The following MAP3K10 variants were observed in gnomAD, a reference collection of about 807,000 sequenced individuals.
The protein encoded by MAP3K10 is mitogen-activated protein kinase kinase kinase 10.
Under a neutral mutation model 75.0 loss-of-function variants are expected in MAP3K10, and 22 were observed. The observed-to-expected ratio is 0.29, with a 90% confidence interval of 0.21 to 0.42. The LOEUF is 0.42. MAP3K10 is among the 10% of genes least tolerant of loss of function. MAP3K10 has a pLI of 1.00. For synonymous variants in MAP3K10, 599 were observed against 612.9 expected, an observed-to-expected ratio of 0.98 and a Z score of 0.34; for missense variants, 1,165 against 1,379.8, an observed-to-expected ratio of 0.84 and a Z score of 2.47.
In MAP3K10 at chr19:40,212,980, AG is replaced by A; in HGVS notation, c.1724+6del. ...AGCGGGTGGGAGGAGAGGAGAGGTG[AG>A]GTGTGGTGTGGTCATGCCCACCCTG... On this transcript the variant is annotated splice_donor_5th_base_variant and intron_variant, in intron 7 of 9. Coordinates refer to ENST00000253055, the MANE Select transcript of MAP3K10 (RefSeq NM_002446.4). This position sits in a 1 kb window ranked among gnomAD's most constrained non-coding sequence, Gnocchi z 4.2. 1 of 1,598,722 alleles carries A rather than the reference AG, an allele frequency of 6.3e-7. No individual in the cohort carries two copies. The highest frequency in any genetic ancestry group is 2.2e-5 in the East Asian group (1 of 44,806).
intron 5 of MAP3K10, 53 bp downstream of exon 5, chr19:40,206,210 C>T (rs1223378332): frequency 3.3e-6 from 5 of 1,528,582 alleles, no homozygotes; most frequent in Admixed American, 2.2e-5. Context: ...GGAGCAGCCC[C>T]GACCTAGGAT....
Position 40,215,020 on chromosome 19 carries a change from T to C in MAP3K10, c.2593T>C (p.Phe865Leu). Reference sequence around the variant, plus strand: ...CCGCCTGCCCGACCCCCAGGCCCTGTTCCCAGCCCGCCGCCGGCCCCCTGA... The same window carrying C: ...CCGCCTGCCCGACCCCCAGGCCCTGCTCCCAGCCCGCCGCCGGCCCCCTGA... Reference protein sequence around the residue: ...FPRLPDPQALFPARRRPPEFP... With the variant: ...FPRLPDPQALLPARRRPPEFP... The change falls in exon 10 of 10, where the codon TTC becomes CTC. Residue 865 changes from phenylalanine (F) to leucine (L), a missense_variant. Transcript: ENST00000253055. 1 of 1,583,612 alleles carries C rather than the reference T, an allele frequency of 6.3e-7. No individual in the cohort carries two copies. Among genetic ancestry groups the C allele is most frequent in the Middle Eastern group, 1.7e-4 (1 of 6,000 alleles).
In MAP3K10 at chr19:40,214,010, A is replaced by AACC; in HGVS notation, c.2331_2332insACC (p.Pro777_Pro778insThr). 1.4e-6 allele frequency: 1 copy of AACC among 726,372 alleles called. No homozygotes were observed. Among genetic ancestry groups the AACC allele is most frequent in the Non-Finnish European group, 1.9e-6 (1 of 538,530 alleles). 45.0% of individuals were successfully genotyped at this position (726,372 alleles called of 1,614,324 possible). A position where few individuals can be genotyped will look rare whatever the true frequency, so the allele number is the denominator to read the frequency against. ...CCGCACCGGCCGCGCCCTCCCCACC[A>AACC]CCCTCCCCGCCCGCGCCCACACCCA... On this transcript the variant is annotated inframe_insertion, in exon 9 of 10. Transcript: ENST00000253055.
Position 40,213,999 on chromosome 19 carries a change from C to CCCA in MAP3K10, c.2322_2323insACC (p.Pro774_Ser775insThr). ...CAGTGACGAGGCCGCACCGGCCGCG[C>CCCA]CCTCCCCACCACCCTCCCCGCCCGC... is the stretch of plus-strand genomic sequence containing the variant. On this transcript the variant is annotated inframe_insertion, in exon 9 of 10. Transcript: ENST00000253055. The surrounding 1 kb of genome is among the most constrained non-coding windows in gnomAD (Gnocchi z 5.7). The CCCA allele has an allele frequency of 5.3e-6, 8 of 1,517,644 alleles. No homozygotes were observed. Among genetic ancestry groups the CCCA allele is most frequent in the East Asian group, 2.5e-5 (1 of 39,508 alleles). 94.0% of individuals were successfully genotyped at this position (1,517,644 alleles called of 1,614,324 possible).
chr19:40,212,806 G>A lies in MAP3K10; in HGVS notation c.1554G>A (p.Leu518=). The change falls in exon 7 of 10, where the codon CTG becomes CTA. Residue 518 remains leucine (L), a splice_region_variant and synonymous_variant. Transcript: ENST00000253055. The surrounding 1 kb of genome is among the most constrained non-coding windows in gnomAD (Gnocchi z 4.2). ...ACCAAGTGGCTTCTCTGGACCCAGT[G>A]ACTCCCGTGGACTGTGGTGGCAGCA... ...SIIPRLRAIR[L]TPVDCGGSSS... is the part of the protein sequence containing the mutation. The A allele has an allele frequency of 6.3e-7, 1 of 1,586,530 alleles. No homozygotes were observed. Among genetic ancestry groups the A allele is most frequent in the East Asian group, 2.3e-5 (1 of 43,592 alleles).
In MAP3K10 at chr19:40,213,594, C is replaced by T. The variant is rs1362936194; in HGVS notation, c.1915C>T (p.Pro639Ser). 6.3e-7 allele frequency: 1 copy of T among 1,599,222 alleles called. No homozygotes were observed. Among genetic ancestry groups the T allele is most frequent in the Admixed American group, 1.7e-5 (1 of 58,586 alleles). Residue 639 changes from proline (P) to serine (S), a missense_variant, in exon 9 of 10, where the codon CCA becomes TCA. By Grantham distance (74) the Pro-to-Ser change is moderately conservative. Around this residue, in one of 2 missense-constraint regions of MAP3K10, gnomAD observed 590 missense variants for 586.6 expected, o/e 1.01. Transcript: ENST00000253055. This position sits in a 1 kb window ranked among gnomAD's most constrained non-coding sequence, Gnocchi z 5.7. ...CTCGACCCCGTCCTACCTCTCAGTG[C>T]CACTGCCTGCCGAGCCCTCCCCGGG... Reference protein sequence around the residue: ...PYSTPSYLSVPLPAEPSPGAR... With the variant: ...PYSTPSYLSVSLPAEPSPGAR...
At chr19:40,195,471 CTTTTTTTTTTTTTT>C (rs61289931) in intron 1 of MAP3K10, among the ~76,000 whole-genome samples, 7 of 48,660 alleles carry the variant, frequency 1.4e-4, no homozygotes, top group East Asian at 6.8e-4. Context: ...CCCGCCCGGC[CTTTTTTTTTTTTTT>C]TTTTTTTTTT....
chr19:40,194,058 T>C (rs765191526), intron 1 of MAP3K10, among the ~76,000 whole-genome samples: 1 of 152,160 alleles, frequency 6.6e-6, no homozygotes, highest in Non-Finnish European at 1.5e-5. Context: ...AGCCTGACAT[T>C]TGTATATCAA....
chr19:40,201,791 C>G (rs980731281), intron 2 of MAP3K10, among the ~76,000 whole-genome samples: 3 of 145,772 alleles, frequency 2.1e-5, no homozygotes, highest in African/African-American at 7.7e-5. Flanking sequence ...CTCCACACGC[C>G]AGCTTTTTTT....
At chr19:40,194,357 C>CA (rs200148561) in intron 1 of MAP3K10, among the ~76,000 whole-genome samples, 49 of 140,274 alleles carry the variant, frequency 3.5e-4, no homozygotes, top group East Asian at 8.2e-4. Flanking sequence ...GATTCCATCG[C>CA]AAAAAAAAAA....
At chr19:40,210,156 A>T (rs1049796352) in intron 6 of MAP3K10, among the ~76,000 whole-genome samples, 18 of 152,260 alleles carry the variant, frequency 1.2e-4, no homozygotes, top group Middle Eastern at 3.4e-3. Context: ...AGTCCCAGCT[A>T]CTCGGGAGGC....
chr19:40,202,700 T>G (rs1253797852), intron 2 of MAP3K10, among the ~76,000 whole-genome samples: 1 of 152,212 alleles, frequency 6.6e-6, no homozygotes, highest in Non-Finnish European at 1.5e-5. Context: ...GGCTAGAATG[T>G]GGTGGTATAG....
chr19:40,212,954 G>A lies in MAP3K10; in HGVS notation c.1702G>A (p.Glu568Lys). The A allele has an allele frequency of 6.2e-7, 1 of 1,608,162 alleles. No individual in the cohort carries two copies. Among genetic ancestry groups the A allele is most frequent in the Non-Finnish European group, 8.5e-7 (1 of 1,176,950 alleles). Reference protein sequence around the residue: ...TWGPSSTLQKERVGGEERLKG... With the variant: ...TWGPSSTLQKKRVGGEERLKG... ...GGGGCCCAGCTCCACCCTGCAGAAG[G>A]AGCGGGTGGGAGGAGAGGAGAGGTG... Residue 568 changes from glutamate (E) to lysine (K), a missense_variant, in exon 7 of 10, where the codon GAG (glutamate) becomes AAG (lysine). Physicochemically the swap from Glu to Lys is moderately conservative, Grantham distance 56 (BLOSUM62 1). This residue lies in a region of MAP3K10 where 590 missense variants were observed against 586.6 expected (regional missense o/e 1.01). Transcript: ENST00000253055. This position sits in a 1 kb window ranked among gnomAD's most constrained non-coding sequence, Gnocchi z 4.2.
intron 2 of MAP3K10, among the ~76,000 whole-genome samples, chr19:40,201,710 T>G (rs956146465): frequency 6.6e-6 from 1 of 151,776 alleles, no homozygotes; most frequent in Non-Finnish European, 1.5e-5. Context: ...CTCGATCTCT[T>G]GGGCTCAAGA....
rs968391096 is a variant in MAP3K10, at chr19:40,198,843, G to A, written c.863+288G>A. Among the ~76,000 whole-genome samples the A allele has an allele frequency of 6.6e-5, 10 of 152,224 alleles. No homozygotes were observed. The highest frequency in any genetic ancestry group is 1.4e-4 in the African/African-American group (6 of 41,446). On this transcript the variant is annotated intron_variant, in intron 2 of 9. Transcript: ENST00000253055. This position sits in a 1 kb window ranked among gnomAD's most constrained non-coding sequence, Gnocchi z 4.3. ...AGCACTTTGGGAGGCCGAGGTGGGC[G>A]GATCACTTGAGGTCAGGAGTTTGAG...
Position 40,209,216 on chromosome 19 carries a change from C to T in MAP3K10, c.1549C>T (p.Arg517Cys), listed in dbSNP as rs1973189681. Reference protein sequence around the residue: ...PSIIPRLRAIRLTPVDCGGSS... With the variant: ...PSIIPRLRAICLTPVDCGGSS... ...CATCATCCCCCGGCTGAGGGCCATT[C>T]GCCGTGAGTATCTCCCAAGGCCCTG... The change falls in exon 6 of 10, where the codon CGC becomes TGC. Residue 517 changes from arginine (R) to cysteine (C), a missense_variant. Physicochemically the swap from Arg to Cys is radical, Grantham distance 180 (BLOSUM62 -3). Around this residue, in one of 2 missense-constraint regions of MAP3K10, gnomAD observed 575 missense variants for 793.2 expected, o/e 0.72. Transcript: ENST00000253055. 2 of 1,613,398 alleles carry T rather than the reference C, an allele frequency of 1.2e-6. No homozygotes were observed. Among genetic ancestry groups the T allele is most frequent in the Non-Finnish European group, 1.7e-6 (2 of 1,179,402 alleles).
chr19:40,203,430 G>A (rs1270587076), intron 2 of MAP3K10, among the ~76,000 whole-genome samples: 1 of 152,212 alleles, frequency 6.6e-6, no homozygotes, highest in Admixed American at 6.5e-5. Flanking sequence ...ATGGCCATCA[G>A]GATCTGGGAG....
At position 40,198,794 on chromosome 19, in the gene MAP3K10, G is replaced by A. The variant is rs375635841; in HGVS notation, c.863+239G>A. 5.2e-5 allele frequency among the ~76,000 whole-genome samples: 8 copies of A among 152,386 alleles called. No individual in the cohort carries two copies. The highest frequency in any genetic ancestry group is 7.3e-5 in the Non-Finnish European group (5 of 68,046). On this transcript the variant is annotated intron_variant, in intron 2 of 9. Coordinates refer to ENST00000253055, the MANE Select transcript of MAP3K10 (RefSeq NM_002446.4). The surrounding 1 kb of genome is among the most constrained non-coding windows in gnomAD (Gnocchi z 4.3). ...ATAGGATCTAGAGACAAGGCCGGGC[G>A]CGGGGGCGCACACCTGTAATCCCAG...
At chr19:40,206,633 T>C (rs1331410812) in intron 5 of MAP3K10, among the ~76,000 whole-genome samples, 1 of 151,952 alleles carries the variant, frequency 6.6e-6, no homozygotes, top group East Asian at 1.9e-4. Context: ...CCAAATGAGT[T>C]ACTCTAGTCA....
Sources: allele counts gnomAD v4.1 joint callset (sites outside exome capture counted in the v4.1 genomes callset), GRCh38; gene constraint gnomAD v4.1.1; regional missense constraint gnomAD v4.1.1; non-coding constraint Gnocchi (gnomAD v3.1); transcripts MANE v1.5; gene names NCBI Gene and HGNC (gene_info 2026-07-23, HGNC 2026-07-21).